The following DIP2C variants were observed in gnomAD, a reference collection of about 807,000 sequenced individuals.
DIP2C encodes the protein disco-interacting protein 2 homolog C.
In DIP2C, 33 loss-of-function variants were observed where a neutral mutation model predicts 192.4. The ratio of observed to expected loss-of-function variants is 0.17; its 90% confidence interval spans 0.13 to 0.23. The LOEUF (loss-of-function observed/expected upper bound fraction) is 0.23. DIP2C is among the 10% of genes least tolerant of loss of function. The pLI is 1.00. For synonymous variants in DIP2C, 979 were observed against 864.1 expected (o/e 1.13, Z -2.33); for missense variants, 1,537 against 2,110.1 (o/e 0.73, Z 5.32).
At chr10:550,265 C>T (rs927997685) in intron 1 of DIP2C, among the ~76,000 whole-genome samples, 11 of 151,608 alleles carry the variant, frequency 7.3e-5, no homozygotes, top group African/African-American at 2.7e-4. Flanking sequence ...CCGCCTTGAC[C>T]TCCCAAACTG....
At chr10:340,247 G>A (rs374563288) in intron 29 of DIP2C, among the ~76,000 whole-genome samples, 64 of 151,428 alleles carry the variant, frequency 4.2e-4, no homozygotes, top group East Asian at 1.9e-3. Flanking sequence ...ATACTGTAGC[G>A]TCTCAGTTTT....
intron 3 of DIP2C, among the ~76,000 whole-genome samples, chr10:450,080 A>G (rs1161030348): frequency 6.6e-6 from 1 of 152,180 alleles, no homozygotes; most frequent in Non-Finnish European, 1.5e-5. Context: ...AGTCGCTCTG[A>G]TTCACGGACG....
intron 1 of DIP2C, among the ~76,000 whole-genome samples, chr10:555,700 G>C (rs367693799): frequency 5.9e-5 from 9 of 152,134 alleles, no homozygotes; most frequent in African/African-American, 1.9e-4. Context: ...CCTCAGATGC[G>C]TTAATCAGAG....
At chr10:530,992 C>T (rs1443469133) in intron 1 of DIP2C, among the ~76,000 whole-genome samples, 2 of 152,164 alleles carry the variant, frequency 1.3e-5, no homozygotes, top group Non-Finnish European at 2.9e-5. Flanking sequence ...CAGGCAGCCC[C>T]GACTGGACAG....
At chr10:366,584 T>C (rs182789631) in intron 18 of DIP2C, among the ~76,000 whole-genome samples, 173 bp from the exon 19 acceptor site, 145 of 152,348 alleles carry the variant, frequency 9.5e-4, no homozygotes, top group African/African-American at 3.3e-3. Context: ...GCCATGAGTT[T>C]TCCTGTTGCA....
Position 277,063 on chromosome 10 carries a change from A to G in DIP2C, c.*262T>C, listed in dbSNP as rs200391384. On this transcript the variant is annotated 3_prime_UTR_variant, in exon 37 of 37. Transcript: ENST00000280886. ...AATTAAAAAAGAAAGAAAAGAAAAG[A>G]AAGTTTTGAAATGGGCTTTTCCAAC... is the stretch of plus-strand genomic sequence containing the variant. The G allele has an allele frequency of 2.2e-4, 57 of 261,422 alleles. 1 individual carries two copies. In the East Asian group the frequency reaches 2.7e-3, roughly 12 times the overall value. The allele number at this position is 261,422 out of a possible 1,614,324, so 16.2% of individuals were successfully genotyped here. A position where few individuals can be genotyped will look rare whatever the true frequency, so the allele number is the denominator to read the frequency against.
intron 32 of DIP2C, among the ~76,000 whole-genome samples, chr10:289,640 A>C (rs1955375703): frequency 6.6e-6 from 1 of 152,168 alleles, no homozygotes; most frequent in Non-Finnish European, 1.5e-5. Context: ...TGTAACTGAC[A>C]GATGTACCAA....
rs376674939 is a variant in DIP2C at position 426,849 on chromosome 10, CAACA to C, written c.395-3820_395-3817del. Reference sequence around the variant, plus strand: ...GGAAAAAATCCCCCAAACCAAACCACAACAAACAAACAAAAATCCCACTTAGATC... The same window carrying C: ...GGAAAAAATCCCCCAAACCAAACCACAACAAACAAAAATCCCACTTAGATC... On this transcript the variant is annotated intron_variant, in intron 4 of 36. Coordinates refer to ENST00000280886, the MANE Select transcript of DIP2C (RefSeq NM_014974.3). Among the ~76,000 whole-genome samples, 433 of 152,134 alleles carry C rather than the reference CAACA, an allele frequency of 2.8e-3. 1 individual carries two copies. Among genetic ancestry groups the C allele is most frequent in the Middle Eastern group, 0.021 (6 of 292 alleles).
intron 2 of DIP2C, among the ~76,000 whole-genome samples, chr10:477,938 G>A (rs186060108): frequency 1.3e-4 from 12 of 94,512 alleles, no homozygotes; most frequent in African/African-American, 5.7e-4. Flanking sequence ...AGGGAAAGAA[G>A]GAAGGAAAAG....
chr10:495,619 G>A (rs1034880112), intron 1 of DIP2C, among the ~76,000 whole-genome samples: 9 of 151,194 alleles, frequency 6.0e-5, no homozygotes, highest in East Asian at 1.9e-4. Context: ...CTTGGTGTCC[G>A]TGGGGGTGGG....
rs61522633 is a variant in DIP2C, at chr10:297,515, T to C, written c.3987-9094A>G. ...CATAACAGAGAATGAAATCCTGTCA[T>C]CTGCAGCAAGATGGACGGAAGCGCA... On this transcript the variant is annotated intron_variant, in intron 32 of 36. Coordinates refer to ENST00000280886, the MANE Select transcript of DIP2C (RefSeq NM_014974.3). Among the ~76,000 whole-genome samples the C allele has an allele frequency of 8.3e-3, 1,260 of 152,284 alleles. 20 individuals are homozygous for C. The highest frequency in any genetic ancestry group is 0.028 in the African/African-American group (1,171 of 41,564).
intron 1 of DIP2C, among the ~76,000 whole-genome samples, chr10:568,993 AT>A (rs1849617979): frequency 1.3e-5 from 2 of 152,066 alleles, no homozygotes; most frequent in South Asian, 4.1e-4. Flanking sequence ...TTTGAAGTAA[AT>A]TCCAGCATGA....
At chr10:686,687 T>C (rs1310687781) in intron 1 of DIP2C, among the ~76,000 whole-genome samples, 2 of 152,254 alleles carry the variant, frequency 1.3e-5, no homozygotes, top group African/African-American at 4.8e-5. Flanking sequence ...TGGTGTGAGC[T>C]GGCCTCACCT....
chr10:524,708 A>G (rs965426327), intron 1 of DIP2C, among the ~76,000 whole-genome samples: 1 of 152,242 alleles, frequency 6.6e-6, no homozygotes. Flanking sequence ...TCTTATTTCA[A>G]ATCACTTTCA....
chr10:491,093 C>T (rs553521685), intron 1 of DIP2C, among the ~76,000 whole-genome samples: 136 of 152,332 alleles, frequency 8.9e-4, no homozygotes, highest in African/African-American at 3.1e-3. Flanking sequence ...GGCTTCCTCT[C>T]GGCCTCAGGC....
chr10:630,457 ATAAT>A (rs1426522065), intron 1 of DIP2C: 1 of 152,288 alleles, frequency 6.6e-6, no homozygotes, highest in African/African-American at 2.4e-5. Flanking sequence ...GGCATTATGA[ATAAT>A]TAATAAGAAC....
At chr10:307,239 A>G (rs747795938) in intron 32 of DIP2C, among the ~76,000 whole-genome samples, 1 of 152,218 alleles carries the variant, frequency 6.6e-6, no homozygotes, top group Non-Finnish European at 1.5e-5. Flanking sequence ...CAGAAATGGA[A>G]ACAGACTAAG....
chr10:419,068 C>A lies in DIP2C; in HGVS notation c.736G>T (p.Asp246Tyr). ...GCATCTCTCCTTTGGGACGTACCAT[C>A]CCCGGTCTCCATGAGCTCGGCGTTG... ...YGNAELMETG[D>Y]GVPVSSRVSA... The change falls in exon 6 of 37, where the codon GAT becomes TAT. Residue 246 changes from aspartate to tyrosine, a missense_variant. This residue lies in a region of DIP2C where 473 missense variants were observed against 539.6 expected (regional missense o/e 0.88). Transcript: ENST00000280886. 6.2e-7 allele frequency: 1 copy of A among 1,614,242 alleles called. No individual in the cohort carries two copies. The highest frequency in any genetic ancestry group is 8.5e-7 in the Non-Finnish European group (1 of 1,180,038).
At chr10:467,935 C>G (rs949450478) in intron 3 of DIP2C, among the ~76,000 whole-genome samples, 1 of 152,064 alleles carries the variant, frequency 6.6e-6, no homozygotes, top group African/African-American at 2.4e-5. Context: ...ACATGTACTC[C>G]AGAACTTAAA....
Sources: gnomAD v4.1 joint callset for allele counts (sites outside exome capture counted in the v4.1 genomes callset) on GRCh38, gnomAD v4.1.1 for gene constraint, gnomAD v4.1.1 regional missense constraint, MANE v1.5 for transcripts, NCBI Gene and HGNC (gene_info 2026-07-23, HGNC 2026-07-21) for gene names.